The following LYPLAL1 variants were observed in gnomAD, a reference collection of about 807,000 sequenced individuals.
The protein encoded by LYPLAL1 is lysophospholipase-like protein 1.
In LYPLAL1, 23 loss-of-function variants were observed where a neutral mutation model predicts 19.7. The observed-to-expected ratio is 1.17, with a 90% confidence interval of 0.84 to 1.65. The LOEUF (loss-of-function observed/expected upper bound fraction) is 1.65. Ranked by LOEUF, LYPLAL1 falls within the 40% of genes most tolerant of loss-of-function variation. The probability of loss-of-function intolerance (pLI) is 0.00; values close to 1 mark genes in which losing one functional copy is unlikely to be tolerated. For synonymous variants in LYPLAL1, 119 were observed against 96.3 expected (o/e 1.24, Z -1.38); for missense variants, 355 against 279.4 (o/e 1.27, Z -1.93).
the LYPLAL1 span, among the ~76,000 whole-genome samples, chr1:219,400,414 G>A: frequency 6.6e-6 from 1 of 152,002 alleles, no homozygotes; most frequent in Non-Finnish European, 1.5e-5. Flanking sequence ...AAGAAATTCT[G>A]TAGCCTCCAA....
the LYPLAL1 span, among the ~76,000 whole-genome samples, chr1:219,400,473 A>G: frequency 6.6e-6 from 1 of 150,906 alleles, no homozygotes; most frequent in South Asian, 2.1e-4. Flanking sequence ...TGTGTGCCCT[A>G]TCTATCTATC....
intron 2 of LYPLAL1, among the ~76,000 whole-genome samples, chr1:219,186,597 A>T (rs1161639420): frequency 6.6e-6 from 1 of 151,732 alleles, no homozygotes; most frequent in African/African-American, 2.4e-5. Context: ...TCTGAAGTGT[A>T]CTGTGTTTAA....
chr1:219,358,897 G>A, the LYPLAL1 span, among the ~76,000 whole-genome samples: 2 of 151,928 alleles, frequency 1.3e-5, no homozygotes, highest in South Asian at 4.2e-4. Flanking sequence ...TGAGACAGAG[G>A]TTATCACTTA....
chr1:219,311,137 G>GT, the LYPLAL1 span, among the ~76,000 whole-genome samples: 677 of 141,742 alleles, frequency 4.8e-3, 2 homozygotes, highest in Admixed American at 8.3e-3. Flanking sequence ...TAGTCTAAGA[G>GT]TTTTTTTTTT....
At chr1:219,243,216 T>G in the LYPLAL1 span, among the ~76,000 whole-genome samples, 1 of 152,226 alleles carries the variant, frequency 6.6e-6, no homozygotes, top group Non-Finnish European at 1.5e-5. Flanking sequence ...ATTTTGTTTA[T>G]ACATAATTTT....
chr1:219,319,555 T>C, the LYPLAL1 span, among the ~76,000 whole-genome samples: 2 of 152,112 alleles, frequency 1.3e-5, no homozygotes. Flanking sequence ...GCAAACCTTT[T>C]CTCCGCACTC....
chr1:219,186,426 T>G (rs1367826998), intron 2 of LYPLAL1, among the ~76,000 whole-genome samples: 1 of 151,922 alleles, frequency 6.6e-6, no homozygotes, highest in Admixed American at 6.6e-5. Flanking sequence ...TTAAAATCTC[T>G]AGCTATGATT....
the LYPLAL1 span, among the ~76,000 whole-genome samples, chr1:219,242,609 GT>G: frequency 8.6e-5 from 13 of 151,900 alleles, no homozygotes; most frequent in Non-Finnish European, 1.3e-4. Context: ...TTATGTCCCT[GT>G]TCCATCATTG....
the LYPLAL1 span, among the ~76,000 whole-genome samples, chr1:219,379,621 C>T: frequency 2.0e-5 from 3 of 152,040 alleles, no homozygotes; most frequent in Admixed American, 6.6e-5. Context: ...ATTTTTGGAC[C>T]TAAATTATTT....
downstream of LYPLAL1, among the ~76,000 whole-genome samples, chr1:219,214,134 A>T (rs1659201105): frequency 6.6e-6 from 1 of 152,138 alleles, no homozygotes; most frequent in Admixed American, 6.6e-5. Context: ...TTTTTGCAAC[A>T]ATTAATATAT....
chr1:219,441,623 C>T, the LYPLAL1 span, among the ~76,000 whole-genome samples: 6 of 152,186 alleles, frequency 3.9e-5, no homozygotes, highest in African/African-American at 1.4e-4. Flanking sequence ...TAAGACCCAG[C>T]TTCTAGCAAT....
the LYPLAL1 span, among the ~76,000 whole-genome samples, chr1:219,394,632 T>C: frequency 1.4e-4 from 21 of 152,350 alleles, no homozygotes; most frequent in East Asian, 3.9e-3. Flanking sequence ...TGTTTCTTTC[T>C]TTTAGCTTTT....
chr1:219,373,058 A>C, the LYPLAL1 span, among the ~76,000 whole-genome samples: 14 of 152,332 alleles, frequency 9.2e-5, no homozygotes, highest in African/African-American at 3.1e-4. Context: ...TGCAAATATT[A>C]GACTGGTCTA....
chr1:219,359,842 A>C, the LYPLAL1 span, among the ~76,000 whole-genome samples: 1 of 152,190 alleles, frequency 6.6e-6, no homozygotes, highest in South Asian at 2.1e-4. Context: ...AACTTTACAC[A>C]CAACACATAA....
At chr1:219,410,295 G>A in the LYPLAL1 span, 1 of 152,204 alleles carries the variant, frequency 6.6e-6, no homozygotes, top group Non-Finnish European at 1.5e-5. Context: ...AATTCGATAA[G>A]AAATCATTTA....
chr1:219,230,007 T>C, the LYPLAL1 span, among the ~76,000 whole-genome samples: 1 of 152,216 alleles, frequency 6.6e-6, no homozygotes, highest in Non-Finnish European at 1.5e-5. Flanking sequence ...AAATGGCCTT[T>C]TAGTCACGTA....
the LYPLAL1 span, among the ~76,000 whole-genome samples, chr1:219,382,577 C>A: frequency 5.9e-5 from 9 of 151,924 alleles, no homozygotes; most frequent in Admixed American, 5.9e-4. Flanking sequence ...TTAGCCAGGA[C>A]GGTCTCGATC....
chr1:219,330,425 CATTA>C, the LYPLAL1 span, among the ~76,000 whole-genome samples: 1 of 152,164 alleles, frequency 6.6e-6, no homozygotes, highest in Non-Finnish European at 1.5e-5. Flanking sequence ...GTAATTTTCA[CATTA>C]ATTGTCTAGA....
At chr1:219,336,423 A>G in the LYPLAL1 span, among the ~76,000 whole-genome samples, 2 of 151,944 alleles carry the variant, frequency 1.3e-5, no homozygotes, top group African/African-American at 4.8e-5. Flanking sequence ...TGAGGATTAA[A>G]ATAGATAATG....
Sources: allele counts gnomAD v4.1 joint callset (sites outside exome capture counted in the v4.1 genomes callset), GRCh38; gene constraint gnomAD v4.1.1; transcripts MANE v1.5; gene names NCBI Gene and HGNC (gene_info 2026-07-23, HGNC 2026-07-21).